SYNE1: variants seen among roughly 807,000 people sequenced by gnomAD.
SYNE1 encodes the protein nesprin-1.
In SYNE1, 616 loss-of-function variants were observed where a neutral mutation model predicts 1,111.0. That is an observed-to-expected ratio of 0.55 (90% CI 0.52 to 0.59). The LOEUF is 0.59. Among genes scored for constraint, SYNE1 ranks in the 20% least tolerant of loss-of-function variants. SYNE1 has a pLI of 0.00. For missense variants in SYNE1, 10,006 were observed against 10,417.0 expected (o/e 0.96, Z 1.72); for synonymous variants, 3,855 against 3,825.8 (o/e 1.01, Z -0.28).
chr6:152,231,489 C>A lies in SYNE1; in HGVS notation c.20941G>T (p.Asp6981Tyr), dbSNP rs775138465. The stretch of plus-strand genomic sequence containing the variant: ...TTATCACTACGCTTACTTTCCACAT[C>A]CTGACTGCTGATTTGTAGCACGGAC... ...NQSVLQISSQ[D>Y]VESKRSDKTD... is the part of the protein sequence containing the mutation. Residue 6981 changes from aspartate to tyrosine, a missense_variant, in exon 114 of 146, where the codon GAT (aspartate) becomes TAT (tyrosine). By Grantham distance (160) the Asp-to-Tyr change is radical. Transcript: ENST00000367255. 5.0e-6 allele frequency: 8 copies of A among 1,614,156 alleles called. No individual in the cohort carries two copies. The South Asian group carries it at 7.7e-5, about 16-fold the overall frequency.
intron 18 of SYNE1, among the ~76,000 whole-genome samples, chr6:152,463,920 A>G (rs1488902855): frequency 6.6e-6 from 1 of 152,144 alleles, no homozygotes; most frequent in African/African-American, 2.4e-5. Context: ...TTATTTGTAT[A>G]AATTGATGGG....
chr6:152,190,369 A>G (rs1359302512), intron 127 of SYNE1, among the ~76,000 whole-genome samples: 1 of 152,204 alleles, frequency 6.6e-6, no homozygotes, highest in African/African-American at 2.4e-5. Context: ...CGACAGCTGG[A>G]ATCAACTTCT....
At position 152,218,400 on chromosome 6, in the gene SYNE1, C is replaced by T. The variant is rs751849747; in HGVS notation, c.22048G>A (p.Gly7350Arg). 1 of 1,612,232 alleles carries T rather than the reference C, an allele frequency of 6.2e-7. No individual in the cohort carries two copies. Among genetic ancestry groups the T allele is most frequent in the Admixed American group, 1.7e-5 (1 of 59,746 alleles). ...GCAAAGGTTTCATAATCAAGAACTC[C>T]AGCCTTTTTTTCCACAAAAGAAATT... The part of the protein sequence containing the change: ...LCKQQTSLQA[G>R]VLDYETFAKS... The change falls in exon 121 of 146, where the codon GGA becomes AGA. Residue 7350 changes from glycine to arginine, a missense_variant. Coordinates refer to ENST00000367255, the MANE Select transcript of SYNE1 (RefSeq NM_182961.4).
intron 137 of SYNE1, chr6:152,145,179 G>A (rs2152845166): frequency 2.5e-6 from 1 of 401,052 alleles, no homozygotes. Context: ...GAACACTAGG[G>A]CGCAGAGGCT....
intron 145 of SYNE1, chr6:152,128,715 G>A (rs1337601234): frequency 2.6e-5 from 4 of 152,194 alleles, no homozygotes; most frequent in Non-Finnish European, 5.9e-5. Flanking sequence ...AACTATTTAT[G>A]CTTCTGCAAT....
intron 3 of SYNE1, among the ~76,000 whole-genome samples, chr6:152,588,506 T>C (rs1166062955): frequency 6.6e-6 from 1 of 152,178 alleles, no homozygotes; most frequent in Non-Finnish European, 1.5e-5. Context: ...AGAGTCCTGA[T>C]CAGTAGCTAA....
chr6:152,190,591 A>G (rs1185982511), intron 127 of SYNE1, among the ~76,000 whole-genome samples: 1 of 152,208 alleles, frequency 6.6e-6, no homozygotes, highest in Non-Finnish European at 1.5e-5. Flanking sequence ...CAATCCATTT[A>G]TACCCTTTTA....
chr6:152,562,579 A>C (rs1310092073), intron 3 of SYNE1, among the ~76,000 whole-genome samples: 1 of 152,208 alleles, frequency 6.6e-6, no homozygotes. Flanking sequence ...TCAGTATATC[A>C]CTGAGACATC....
chr6:152,359,629 G>GGGGT (rs145785055), intron 64 of SYNE1, among the ~76,000 whole-genome samples, 171 bp from the exon 65 acceptor site: 3 of 148,496 alleles, frequency 2.0e-5, no homozygotes, highest in African/African-American at 7.4e-5. Context: ...TGAATGCATG[G>GGGGT]GTGTGTGTGT....
At chr6:152,557,374 T>C (rs1205894433) in intron 3 of SYNE1, among the ~76,000 whole-genome samples, 1 of 151,738 alleles carries the variant, frequency 6.6e-6, no homozygotes, top group Non-Finnish European at 1.5e-5. Flanking sequence ...GAAGCAGAGA[T>C]GGAGAAAGAA....
intron 35 of SYNE1, 25 bp from the exon 36 acceptor site, chr6:152,430,235 A>G: frequency 2.6e-6 from 4 of 1,560,576 alleles, no homozygotes; most frequent in Middle Eastern, 1.7e-4. Context: ...CAATATAAAA[A>G]TAACAGTGGG....
At chr6:152,301,830 G>A (rs904100470) in intron 92 of SYNE1, 39 bp downstream of exon 92, 1 of 1,573,394 alleles carries the variant, frequency 6.4e-7, no homozygotes, top group South Asian at 1.2e-5. Context: ...CCAGGCTCCA[G>A]TCAAAGAGCA....
At chr6:152,237,306 CTTT>C (rs61142738) in intron 108 of SYNE1, among the ~76,000 whole-genome samples, 30,993 of 119,430 alleles carry the variant, frequency 0.26, 4,061 homozygotes, top group East Asian at 0.49. Flanking sequence ...TGGGTATGCA[CTTT>C]TTTTTTTTTT....
chr6:152,240,342 A>T (rs2085303450), intron 107 of SYNE1, among the ~76,000 whole-genome samples: 1 of 152,126 alleles, frequency 6.6e-6, no homozygotes. Context: ...TCCTTCCTCC[A>T]TGGCTGGGCT....
chr6:152,189,215 A>T lies in SYNE1; in HGVS notation c.23301+37T>A, dbSNP rs748959456. The T allele has an allele frequency of 1.9e-6, 3 of 1,610,406 alleles. No individual in the cohort carries two copies. In the South Asian group the frequency reaches 3.3e-5, roughly 18 times the overall value. ...GTTCAAATTCATCTCCCAATTTTCCATCATCAAGATAATTCCATTTTTAGA... is the reference window on the plus strand; with the variant it reads ...GTTCAAATTCATCTCCCAATTTTCCTTCATCAAGATAATTCCATTTTTAGA... On this transcript the variant is annotated intron_variant, in intron 128 of 145. Coordinates refer to ENST00000367255, the MANE Select transcript of SYNE1 (RefSeq NM_182961.4).
chr6:152,239,567 T>G lies in SYNE1; in HGVS notation c.20033A>C (p.His6678Pro), dbSNP rs768271480. Reference sequence around the variant, plus strand: ...GTACTCCAGCTCCACACCCCTCTTGTGAGCCCGTTTCAGTACAGCAGAAGC... The same window carrying G: ...GTACTCCAGCTCCACACCCCTCTTGGGAGCCCGTTTCAGTACAGCAGAAGC... ...AQASAVLKRA[H>P]KRGVELEYIL... Residue 6678 changes from histidine to proline, a missense_variant, in exon 108 of 146, where the codon CAC (histidine) becomes CCC (proline). Transcript: ENST00000367255. 6.2e-7 allele frequency: 1 copy of G among 1,614,196 alleles called. No homozygotes were observed. Among genetic ancestry groups the G allele is most frequent in the Non-Finnish European group, 8.5e-7 (1 of 1,180,034 alleles).
Position 152,352,034 on chromosome 6 carries a change from T to A in SYNE1, c.11573A>T (p.Lys3858Ile), listed in dbSNP as rs1299329507. The A allele has an allele frequency of 6.2e-7, 1 of 1,614,018 alleles. No individual in the cohort carries two copies. The highest frequency in any genetic ancestry group is 1.1e-5 in the South Asian group (1 of 91,036). ...AATGAGTAAACACACTACCTTGTATTTAGATAACTGAGCTTTTTTCTCATA... is the reference window on the plus strand; with the variant it reads ...AATGAGTAAACACACTACCTTGTATATAGATAACTGAGCTTTTTTCTCATA... ...ELYEKKAQLS[K>I]YKSLQQTVLS... Residue 3858 changes from lysine to isoleucine, a missense_variant, in exon 70 of 146, where the codon AAA (lysine) becomes ATA (isoleucine). Lys to Ile is a moderately radical substitution (Grantham distance 102). Around this residue, in one of 7 missense-constraint regions of SYNE1, gnomAD observed 4,955 missense variants for 5,017.2 expected, o/e 0.99. Transcript: ENST00000367255.
chr6:152,310,416 C>G lies in SYNE1; in HGVS notation c.16999G>C (p.Glu5667Gln). ...SPEVGRLSLK[E>Q]QLSHRQHLLS... Reference sequence around the variant, plus strand: ...CTTACCTGCCGATGAGAGAGCTGCTCCTTGAGACTGAGACGTCCAACTTCT... The same window carrying G: ...CTTACCTGCCGATGAGAGAGCTGCTGCTTGAGACTGAGACGTCCAACTTCT... Residue 5667 changes from glutamate to glutamine, a missense_variant, in exon 89 of 146, where the codon GAG becomes CAG. Transcript: ENST00000367255. 1 of 1,614,126 alleles carries G rather than the reference C, an allele frequency of 6.2e-7. No individual in the cohort carries two copies. The highest frequency in any genetic ancestry group is 1.3e-5 in the African/African-American group (1 of 75,062).
intron 56 of SYNE1, 67 bp from the exon 57 acceptor site, chr6:152,376,979 T>C: frequency 1.9e-6 from 3 of 1,563,262 alleles, no homozygotes; most frequent in Non-Finnish European, 2.6e-6. Context: ...CTTCACACTA[T>C]ACATGCATCA....
Sources: gnomAD v4.1 joint callset for allele counts (sites outside exome capture counted in the v4.1 genomes callset) on GRCh38, gnomAD v4.1.1 for gene constraint, gnomAD v4.1.1 regional missense constraint, MANE v1.5 for transcripts, NCBI Gene and HGNC (gene_info 2026-07-23, HGNC 2026-07-21) for gene names.